Variants in AOPEP observed in about 807,000 individuals in gnomAD.
AOPEP encodes the protein aminopeptidase O (putative).
In AOPEP, 77 loss-of-function variants were observed where a neutral mutation model predicts 98.1. That is an observed-to-expected ratio of 0.78 (90% CI 0.65 to 0.95). AOPEP has a LOEUF of 0.95. Among genes scored for constraint, AOPEP ranks in the 40% least tolerant of loss-of-function variants. The pLI is 0.00. For missense variants in AOPEP, 1,024 were observed against 1,024.7 expected, an observed-to-expected ratio of 1.00 and a Z score of 0.01; for synonymous variants, 346 against 365.3, an observed-to-expected ratio of 0.95 and a Z score of 0.60.
intron 1 of AOPEP, among the ~76,000 whole-genome samples, chr9:94,744,546 C>A (rs368120028): frequency 1.3e-5 from 2 of 151,180 alleles, no homozygotes; most frequent in Non-Finnish European, 3.0e-5. Context: ...AGTAAAAATA[C>A]AAAAATTAGC....
At chr9:94,765,580 C>T (rs984191373) in intron 2 of AOPEP, among the ~76,000 whole-genome samples, 2 of 151,198 alleles carry the variant, frequency 1.3e-5, no homozygotes, top group Non-Finnish European at 2.9e-5. Context: ...CCAGCCTGGG[C>T]GACAGAGTGA....
At chr9:95,047,878 T>C (rs2065983504) in intron 13 of AOPEP, among the ~76,000 whole-genome samples, 1 of 152,242 alleles carries the variant, frequency 6.6e-6, no homozygotes, top group Admixed American at 6.5e-5. Context: ...CTCTGGCATT[T>C]TGTTTTTTTC....
intron 5 of AOPEP, among the ~76,000 whole-genome samples, chr9:94,808,189 G>A (rs1849668182): frequency 6.6e-6 from 1 of 152,038 alleles, no homozygotes; most frequent in Admixed American, 6.6e-5. Context: ...ACAGGTGCAC[G>A]CTGCTTCGCC....
intron 2 of AOPEP, among the ~76,000 whole-genome samples, chr9:94,768,177 C>T (rs938479206): frequency 2.0e-5 from 3 of 152,120 alleles, no homozygotes; most frequent in Non-Finnish European, 4.4e-5. Flanking sequence ...CTGTGGCCCA[C>T]CCTCCCCAGA....
At chr9:94,847,369 A>G (rs1031027082) in intron 5 of AOPEP, among the ~76,000 whole-genome samples, 1 of 152,124 alleles carries the variant, frequency 6.6e-6, no homozygotes, top group Non-Finnish European at 1.5e-5. Flanking sequence ...CCTGGTGGCT[A>G]GTAATTATGG....
intron 11 of AOPEP, among the ~76,000 whole-genome samples, chr9:94,992,209 T>C (rs1003335390): frequency 3.3e-5 from 5 of 152,204 alleles, no homozygotes; most frequent in Admixed American, 2.0e-4. Flanking sequence ...ACTGCACAGA[T>C]CCCAGTGTGT....
At chr9:94,919,688 T>C (rs1195450725) in intron 5 of AOPEP, among the ~76,000 whole-genome samples, 1 of 152,144 alleles carries the variant, frequency 6.6e-6, no homozygotes, top group Non-Finnish European at 1.5e-5. Flanking sequence ...AGCGACAGTT[T>C]GTCTCCCTTT....
rs564679644 is a variant in AOPEP at position 94,976,118 on chromosome 9, C to T, written c.1917-3249C>T. Among the ~76,000 whole-genome samples the T allele has an allele frequency of 4.6e-5, 7 of 152,294 alleles. No individual in the cohort carries two copies. In the South Asian group the frequency reaches 1.0e-3, roughly 23 times the overall value. Reference sequence around the variant, plus strand: ...CCTAGAGGACCATCATCTCTACAGGCGCTGGTAGCATTCTGCCTGGTGTCT... The same window carrying T: ...CCTAGAGGACCATCATCTCTACAGGTGCTGGTAGCATTCTGCCTGGTGTCT... On this transcript the variant is annotated intron_variant, in intron 10 of 16. Coordinates refer to ENST00000375315, the MANE Select transcript of AOPEP (RefSeq NM_001193329.3).
At chr9:95,062,585 A>G (rs951655351) in intron 14 of AOPEP, among the ~76,000 whole-genome samples, 1 of 152,184 alleles carries the variant, frequency 6.6e-6, no homozygotes, top group South Asian at 2.1e-4. Context: ...GGGCCGGTAC[A>G]GGCCCACCCA....
At chr9:95,078,652 A>G (rs1034047230) in intron 14 of AOPEP, among the ~76,000 whole-genome samples, 14 of 152,346 alleles carry the variant, frequency 9.2e-5, no homozygotes, top group African/African-American at 3.4e-4. Flanking sequence ...ATATGTGGCC[A>G]TCTCGCCAGA....
intron 11 of AOPEP, among the ~76,000 whole-genome samples, chr9:94,987,494 A>ATGAAGGTTCAGCGGGTAGCATCCCAGCCC (rs2060595349): frequency 6.6e-6 from 1 of 152,210 alleles, no homozygotes; most frequent in African/African-American, 2.4e-5. Context: ...CACAACCATG[A>ATGAAGGTTCAGCGGGTAGCATCCCAGCCC]TGAAGGTTCA....
At chr9:95,101,827 A>T in the AOPEP span, 1 of 1,614,018 alleles carries the variant, frequency 6.2e-7, no homozygotes, top group Non-Finnish European at 8.5e-7. Flanking sequence ...TGATCTCGTG[A>T]GTTATCTCAG....
chr9:94,932,488 T>TC (rs1235195345), intron 7 of AOPEP: 3 of 168,866 alleles, frequency 1.8e-5, no homozygotes, highest in Non-Finnish European at 3.5e-5. Flanking sequence ...TTTCTTTCTT[T>TC]TTTTTTTTTT....
At chr9:94,890,001 C>T (rs1462719685) in intron 5 of AOPEP, among the ~76,000 whole-genome samples, 1 of 151,368 alleles carries the variant, frequency 6.6e-6, no homozygotes, top group Non-Finnish European at 1.5e-5. Context: ...ATATCTTTTG[C>T]CCATGTTCTA....
chr9:94,741,391 G>GC (rs931801548), intron 1 of AOPEP, among the ~76,000 whole-genome samples: 13 of 151,944 alleles, frequency 8.6e-5, no homozygotes, highest in African/African-American at 2.9e-4. Context: ...TTCTGCTTCA[G>GC]CCCCCCGAGT....
intron 5 of AOPEP, 151 bp downstream of exon 5, chr9:94,801,153 G>C (rs1399386428): frequency 3.3e-6 from 3 of 913,820 alleles, no homozygotes; most frequent in Non-Finnish European, 5.2e-6. Context: ...GCTGCCTTGA[G>C]GGACAATTTT....
intron 13 of AOPEP, among the ~76,000 whole-genome samples, chr9:95,057,378 C>T (rs867670540): frequency 4.6e-5 from 7 of 152,350 alleles, no homozygotes; most frequent in Middle Eastern, 6.8e-3. Context: ...CATAGCATGT[C>T]CCACTCCCCC....
At chr9:94,746,880 C>A (rs778218756) in intron 1 of AOPEP, among the ~76,000 whole-genome samples, 1 of 152,058 alleles carries the variant, frequency 6.6e-6, no homozygotes. Flanking sequence ...CCCCCTCCCC[C>A]CCACTTGACT....
intron 11 of AOPEP, among the ~76,000 whole-genome samples, chr9:95,000,104 G>A (rs149263187): frequency 5.6e-4 from 85 of 152,176 alleles, no homozygotes; most frequent in African/African-American, 2.0e-3. Context: ...AGGTCCGTTT[G>A]GCAGGGCCAA....
Sources: allele counts gnomAD v4.1 joint callset (sites outside exome capture counted in the v4.1 genomes callset), GRCh38; gene constraint gnomAD v4.1.1; transcripts MANE v1.5; gene names NCBI Gene and HGNC (gene_info 2026-07-23, HGNC 2026-07-21).